ADAM23: variants seen among roughly 807,000 people sequenced by gnomAD.
The protein encoded by ADAM23 is disintegrin and metalloproteinase domain-containing protein 23.
Under a neutral mutation model 120.1 loss-of-function variants are expected in ADAM23, and 33 were observed. The observed-to-expected ratio is 0.27, with a 90% CI of 0.21 to 0.37. The LOEUF is 0.37. Ranked by LOEUF, ADAM23 falls within the 10% of genes least tolerant of loss-of-function variation. The pLI is 1.00. For missense variants in ADAM23, 862 were observed against 1,058.2 expected, an observed-to-expected ratio of 0.81 and a Z score of 2.57; for synonymous variants, 367 against 375.2, an observed-to-expected ratio of 0.98 and a Z score of 0.25.
At chr2:206,482,493 C>T (rs1056768686) in intron 3 of ADAM23, among the ~76,000 whole-genome samples, 1 of 152,162 alleles carries the variant, frequency 6.6e-6, no homozygotes, top group African/African-American at 2.4e-5. Context: ...CGCAACCAAC[C>T]CTGCTGTGTG....
At chr2:206,546,207 G>C (rs2105810326) in intron 6 of ADAM23, among the ~76,000 whole-genome samples, 1 of 152,210 alleles carries the variant, frequency 6.6e-6, no homozygotes, top group East Asian at 1.9e-4. Flanking sequence ...CCACACTATG[G>C]GTAGAGGAAA....
At chr2:206,552,287 A>G (rs1574529198) in intron 9 of ADAM23, among the ~76,000 whole-genome samples, 2 of 152,280 alleles carry the variant, frequency 1.3e-5, no homozygotes, top group East Asian at 1.9e-4. Context: ...GCAATTCCAA[A>G]TCTCTTGTTC....
intron 2 of ADAM23, among the ~76,000 whole-genome samples, chr2:206,469,116 T>G (rs1695602316): frequency 6.6e-6 from 1 of 152,158 alleles, no homozygotes; most frequent in South Asian, 2.1e-4. Flanking sequence ...GGATTACAAT[T>G]GAACATGAGA....
intron 3 of ADAM23, among the ~76,000 whole-genome samples, chr2:206,505,648 C>A (rs970166803): frequency 6.6e-6 from 1 of 152,126 alleles, no homozygotes; most frequent in African/African-American, 2.4e-5. Context: ...ACGAAAACAG[C>A]ACTAAAGAGT....
chr2:206,527,647 C>G (rs896017622), intron 3 of ADAM23, among the ~76,000 whole-genome samples: 2 of 152,136 alleles, frequency 1.3e-5, no homozygotes, highest in African/African-American at 2.4e-5. Context: ...GCCCCTATAG[C>G]AGGTGTTGGT....
intron 3 of ADAM23, among the ~76,000 whole-genome samples, chr2:206,499,445 A>G (rs554488749): frequency 6.2e-5 from 9 of 146,122 alleles, no homozygotes; most frequent in African/African-American, 2.3e-4. Flanking sequence ...TTGAACAATG[A>G]GAACACATGG....
chr2:206,581,717 T>C lies in ADAM23; in HGVS notation c.1738-5608T>C, dbSNP rs1698221666. Reference sequence around the variant, plus strand: ...TCTGCAGTTGTTGGATGAAATGTTCTGTATATATCTGTTAAGTCCATTTGT... The same window carrying C: ...TCTGCAGTTGTTGGATGAAATGTTCCGTATATATCTGTTAAGTCCATTTGT... On this transcript the variant is annotated intron_variant, in intron 18 of 25. Transcript: ENST00000264377. Among the ~76,000 whole-genome samples the C allele has an allele frequency of 2.6e-5, 4 of 152,340 alleles. No homozygotes were observed. The South Asian group carries it at 8.3e-4, about 32-fold the overall frequency.
Position 206,620,943 on chromosome 2 carries a change from G to T in ADAM23, c.*3316G>T, listed in dbSNP as rs1699045152. The T allele has an allele frequency of 6.6e-6, 1 of 152,126 alleles. No homozygotes were observed. Among genetic ancestry groups the T allele is most frequent in the African/African-American group, 2.4e-5 (1 of 41,428 alleles). The allele number at this position is 152,126 out of a possible 1,614,324, so 9.4% of individuals were successfully genotyped here. On this transcript the variant is annotated 3_prime_UTR_variant, in exon 26 of 26. Transcript: ENST00000264377. Reference sequence around the variant, plus strand: ...TAAAGTTATCCCATCATGTTTTATAGTCATTGTTGCTTCCATTGTTAGTTT... The same window carrying T: ...TAAAGTTATCCCATCATGTTTTATATTCATTGTTGCTTCCATTGTTAGTTT...
At chr2:206,547,218 CTA>C (rs2105811156) in intron 6 of ADAM23, among the ~76,000 whole-genome samples, 1 of 152,222 alleles carries the variant, frequency 6.6e-6, no homozygotes, top group South Asian at 2.1e-4. Context: ...ACCAGTAACA[CTA>C]TGTTTTTATC....
chr2:206,532,623 A>G (rs144076930), intron 4 of ADAM23, among the ~76,000 whole-genome samples: 1 of 152,288 alleles, frequency 6.6e-6, no homozygotes, highest in East Asian at 1.9e-4. Flanking sequence ...ATTTATGTAC[A>G]TCAGAAAAAC....
rs185501729 is a variant in ADAM23 at position 206,467,675 on chromosome 2, C to A, written c.433-13557C>A. On this transcript the variant is annotated intron_variant, in intron 2 of 25. Transcript: ENST00000264377. ...ATTTTGAGGTCTTCAGGATGGTGAC[C>A]CCTTCTCACAGCTCAACTAGGCAGT... Among the ~76,000 whole-genome samples, 11 of 152,234 alleles carry A rather than the reference C, an allele frequency of 7.2e-5. No homozygotes were observed. In the East Asian group the frequency reaches 2.1e-3, roughly 30 times the overall value.
chr2:206,512,632 AAAAAT>A (rs1390550034), intron 3 of ADAM23, among the ~76,000 whole-genome samples: 1 of 152,232 alleles, frequency 6.6e-6, no homozygotes, highest in African/African-American at 2.4e-5. Flanking sequence ...TCTTTGATGA[AAAAAT>A]AGAAACTCTG....
At chr2:206,523,071 AGCTG>A in intron 3 of ADAM23, among the ~76,000 whole-genome samples, 1 of 152,158 alleles carries the variant, frequency 6.6e-6, no homozygotes, top group African/African-American at 2.4e-5. Context: ...TGATCAAGCC[AGCTG>A]AGTGAGGGTT....
At chr2:206,534,540 T>C (rs975362422) in intron 4 of ADAM23, among the ~76,000 whole-genome samples, 3 of 152,160 alleles carry the variant, frequency 2.0e-5, no homozygotes, top group African/African-American at 7.2e-5. Context: ...TTTCAAGTAC[T>C]ATATATTTGT....
At chr2:206,534,906 C>T (rs917403531) in intron 4 of ADAM23, among the ~76,000 whole-genome samples, 4 of 152,004 alleles carry the variant, frequency 2.6e-5, no homozygotes, top group Admixed American at 1.3e-4. Context: ...GAAGGAAGAG[C>T]GGCTTGACTG....
At chr2:206,582,694 T>C (rs1429273374) in intron 18 of ADAM23, among the ~76,000 whole-genome samples, 1 of 152,232 alleles carries the variant, frequency 6.6e-6, no homozygotes, top group African/African-American at 2.4e-5. Context: ...TTGATGTGTT[T>C]CCAGGATTTG....
chr2:206,464,446 G>A (rs529809154), intron 2 of ADAM23, among the ~76,000 whole-genome samples: 20 of 152,102 alleles, frequency 1.3e-4, no homozygotes, highest in East Asian at 5.8e-4. Context: ...GTGGTGGCAC[G>A]TGCCTGTAGT....
At chr2:206,605,640 T>C in intron 24 of ADAM23, 1 of 621,236 alleles carries the variant, frequency 1.6e-6, no homozygotes, top group Non-Finnish European at 2.8e-6. Context: ...ATCTTCAATG[T>C]GTATGTAGAT....
At chr2:206,550,067 T>C in intron 8 of ADAM23, 28 bp from the exon 9 acceptor site, 1 of 1,433,900 alleles carries the variant, frequency 7.0e-7, no homozygotes, top group Non-Finnish European at 9.8e-7. Flanking sequence ...CAATCACTAT[T>C]CTGACCATAT....
Sources: gnomAD v4.1 joint callset for allele counts (sites outside exome capture counted in the v4.1 genomes callset) on GRCh38, gnomAD v4.1.1 for gene constraint, MANE v1.5 for transcripts, NCBI Gene and HGNC (gene_info 2026-07-23, HGNC 2026-07-21) for gene names.